Variants in EYA4 observed in about 807,000 individuals in gnomAD.
EYA4 encodes protein phosphatase EYA4.
EYA4 carries 31 observed loss-of-function variants against 87.9 expected under a neutral mutation model. The observed-to-expected ratio is 0.35, with a 90% CI of 0.27 to 0.48. The LOEUF (loss-of-function observed/expected upper bound fraction) is 0.48. Ranked by LOEUF, EYA4 falls within the 20% of genes least tolerant of loss-of-function variation. The pLI, the probability that EYA4 is intolerant of heterozygous loss-of-function variation, is 0.99. For missense variants in EYA4, 678 were observed against 761.4 expected (o/e 0.89, Z 1.29); for synonymous variants, 263 against 270.6 (o/e 0.97, Z 0.28).
chr6:133,256,869 T>C (rs1374637069), intron 1 of EYA4, among the ~76,000 whole-genome samples: 2 of 152,168 alleles, frequency 1.3e-5, no homozygotes, highest in African/African-American at 4.8e-5. Context: ...TCAATGGTTA[T>C]CTAGTGCCTT....
At position 133,312,762 on chromosome 6, in the gene EYA4, C is replaced by G. The variant is rs181921781; in HGVS notation, c.33+37949C>G. Among the ~76,000 whole-genome samples, 130 of 152,230 alleles carry G rather than the reference C, an allele frequency of 8.5e-4. 3 individuals carry two copies. Among genetic ancestry groups the G allele is most frequent in the Non-Finnish European group, 1.2e-3 (81 of 67,980 alleles). Reference sequence around the variant, plus strand: ...TGGAGCTCTAACTCTTTAATAGCTTCTTTGCTTCCATCCTCTTTTTCTGCT... The same window carrying G: ...TGGAGCTCTAACTCTTTAATAGCTTGTTTGCTTCCATCCTCTTTTTCTGCT... On this transcript the variant is annotated intron_variant, in intron 2 of 19. Transcript: ENST00000355286.
chr6:133,367,784 C>T (rs895565331), intron 2 of EYA4, among the ~76,000 whole-genome samples: 17 of 152,088 alleles, frequency 1.1e-4, no homozygotes, highest in African/African-American at 3.6e-4. Context: ...ATTAATAATT[C>T]GTACCTACAG....
intron 11 of EYA4, among the ~76,000 whole-genome samples, chr6:133,471,024 A>G (rs1795290498): frequency 1.3e-5 from 1 of 74,418 alleles, no homozygotes; most frequent in East Asian, 5.3e-4. Context: ...ATAAACAATC[A>G]TGTCGTCTGC....
intron 2 of EYA4, among the ~76,000 whole-genome samples, chr6:133,325,650 G>A (rs1206334845): frequency 6.6e-6 from 1 of 152,132 alleles, no homozygotes; most frequent in Non-Finnish European, 1.5e-5. Context: ...CTGTTTGCAT[G>A]CACTTTCATG....
chr6:133,463,164 T>A lies in EYA4; in HGVS notation c.724+400T>A, dbSNP rs374943967. Among the ~76,000 whole-genome samples the A allele has an allele frequency of 1.4e-4, 21 of 152,202 alleles. 1 individual carries two copies. In the East Asian group the frequency reaches 4.1e-3, roughly 29 times the overall value. On this transcript the variant is annotated intron_variant, in intron 9 of 19. Transcript: ENST00000355286. Reference sequence around the variant, plus strand: ...TGATTATACTTAAACTTGAATTAACTCTTTTCTAAGTTCCATATATTATTG... The same window carrying A: ...TGATTATACTTAAACTTGAATTAACACTTTTCTAAGTTCCATATATTATTG...
chr6:133,524,966 G>A, intron 18 of EYA4, 188 bp from the exon 19 acceptor site: 1 of 1,466,690 alleles, frequency 6.8e-7, no homozygotes. Context: ...TGAATCTTTA[G>A]GTTAATGAAT....
At chr6:133,440,051 A>G (rs557504769) in intron 3 of EYA4, among the ~76,000 whole-genome samples, 1 of 152,324 alleles carries the variant, frequency 6.6e-6, no homozygotes, top group African/African-American at 2.4e-5. Context: ...CATCTAAACA[A>G]TTGTTTCCAA....
At chr6:133,431,249 A>G (rs1269583906) in intron 3 of EYA4, among the ~76,000 whole-genome samples, 2 of 152,200 alleles carry the variant, frequency 1.3e-5, no homozygotes, top group Non-Finnish European at 2.9e-5. Context: ...GAACTACTCT[A>G]AGAGACATGA....
At chr6:133,319,439 A>C (rs1341306424) in intron 2 of EYA4, among the ~76,000 whole-genome samples, 1 of 150,852 alleles carries the variant, frequency 6.6e-6, no homozygotes, top group Admixed American at 6.6e-5. Context: ...TTTTGAGGTC[A>C]TGCCACTTAT....
At chr6:133,246,322 A>G (rs571671512) in intron 1 of EYA4, among the ~76,000 whole-genome samples, 1 of 152,318 alleles carries the variant, frequency 6.6e-6, no homozygotes, top group South Asian at 2.1e-4. Context: ...CCAATATGAA[A>G]TGTTTTAATA....
intron 13 of EYA4, among the ~76,000 whole-genome samples, chr6:133,486,163 T>G (rs577795558): frequency 6.6e-6 from 1 of 152,330 alleles, no homozygotes; most frequent in East Asian, 1.9e-4. Context: ...AAAAACATCC[T>G]TGTCGAATTC....
intron 13 of EYA4, among the ~76,000 whole-genome samples, chr6:133,494,692 T>A (rs1290877418): frequency 6.7e-6 from 1 of 149,542 alleles, no homozygotes; most frequent in Admixed American, 6.7e-5. Context: ...AAAAAAGTGT[T>A]TTTTTTTTAA....
chr6:133,331,727 C>T (rs1781978738), intron 2 of EYA4, among the ~76,000 whole-genome samples: 1 of 152,126 alleles, frequency 6.6e-6, no homozygotes, highest in Admixed American at 6.5e-5. Flanking sequence ...TGACCAATAC[C>T]TTCAGATTTG....
rs1190244209 is a variant in EYA4 at position 133,530,553 on chromosome 6, A to G, written c.*1748A>G. On this transcript the variant is annotated 3_prime_UTR_variant, in exon 20 of 20. Coordinates refer to ENST00000355286, the MANE Select transcript of EYA4 (RefSeq NM_004100.5). Reference sequence around the variant, plus strand: ...TAGCCAGAGGCTGGTTCATGAGTTCATCAACTGAGGCCTCTGTGGCTTCAA... The same window carrying G: ...TAGCCAGAGGCTGGTTCATGAGTTCGTCAACTGAGGCCTCTGTGGCTTCAA... 1.0e-6 allele frequency: 1 copy of G among 985,724 alleles called. No individual in the cohort carries two copies. Among genetic ancestry groups the G allele is most frequent in the Non-Finnish European group, 1.2e-6 (1 of 829,932 alleles). 61.1% of individuals were successfully genotyped at this position (985,724 alleles called of 1,614,324 possible).
At chr6:133,295,766 A>G (rs1304273053) in intron 2 of EYA4, among the ~76,000 whole-genome samples, 2 of 152,218 alleles carry the variant, frequency 1.3e-5, no homozygotes, top group African/African-American at 2.4e-5. Context: ...TTACTCTGCT[A>G]TATCATATTT....
At chr6:133,524,051 A>G (rs1156989639) in intron 18 of EYA4, among the ~76,000 whole-genome samples, 2 of 152,142 alleles carry the variant, frequency 1.3e-5, no homozygotes, top group Non-Finnish European at 2.9e-5. Flanking sequence ...TCAAGAGTAC[A>G]GTTAAGGAGA....
At chr6:133,460,875 G>T (rs983824386) in intron 6 of EYA4, among the ~76,000 whole-genome samples, 1 of 152,128 alleles carries the variant, frequency 6.6e-6, no homozygotes, top group Non-Finnish European at 1.5e-5. Context: ...AATGATTTGA[G>T]AAACTGGAAG....
At chr6:133,243,343 G>T (rs960009281) in intron 1 of EYA4, among the ~76,000 whole-genome samples, 11 of 152,120 alleles carry the variant, frequency 7.2e-5, no homozygotes, top group African/African-American at 2.2e-4. Context: ...TTGTTGGAGC[G>T]AAATACACCT....
chr6:133,466,359 A>C (rs1794839695), intron 10 of EYA4, among the ~76,000 whole-genome samples: 1 of 152,156 alleles, frequency 6.6e-6, no homozygotes, highest in Non-Finnish European at 1.5e-5. Flanking sequence ...TGTAAAATGT[A>C]ATCTGTATTT....
Sources: allele counts gnomAD v4.1 joint callset (sites outside exome capture counted in the v4.1 genomes callset), GRCh38; gene constraint gnomAD v4.1.1; transcripts MANE v1.5; gene names NCBI Gene and HGNC (gene_info 2026-07-23, HGNC 2026-07-21).